The following DCLK2 variants were observed in gnomAD, a reference collection of about 807,000 sequenced individuals.
DCLK2 encodes the protein doublecortin like kinase 2, also known as serine/threonine-protein kinase DCLK2.
In DCLK2, 31 loss-of-function variants were observed where a neutral mutation model predicts 78.4. The ratio of observed to expected loss-of-function variants is 0.40; its 90% CI spans 0.30 to 0.53. DCLK2 has a LOEUF of 0.53. DCLK2 is among the 20% of genes least tolerant of loss of function. DCLK2 has a pLI of 0.61. For synonymous variants in DCLK2, 407 were observed against 374.9 expected (o/e 1.09, Z -0.99); for missense variants, 872 against 973.7 (o/e 0.90, Z 1.39).
At chr4:150,117,678 G>GCCACTGCTTCTCATATATTCC (rs1732202236) in intron 2 of DCLK2, among the ~76,000 whole-genome samples, 2 of 152,118 alleles carry the variant, frequency 1.3e-5, no homozygotes, top group Non-Finnish European at 2.9e-5. Flanking sequence ...CCGTCCTGAT[G>GCCACTGCTTCTCATATATTCC]CCACTGCTTC....
At chr4:150,186,984 AAAG>A (rs1315353124) in intron 2 of DCLK2, among the ~76,000 whole-genome samples, 1 of 152,104 alleles carries the variant, frequency 6.6e-6, no homozygotes, top group African/African-American at 2.4e-5. Flanking sequence ...GCATTAGACT[AAAG>A]AGGTCTATTG....
At chr4:150,109,801 C>A (rs548850116) in intron 2 of DCLK2, among the ~76,000 whole-genome samples, 1 of 152,166 alleles carries the variant, frequency 6.6e-6, no homozygotes, top group African/African-American at 2.4e-5. Context: ...TATTTCTGTT[C>A]AGCAGGAAAT....
chr4:150,155,124 C>CAGG (rs1735176626), intron 2 of DCLK2, among the ~76,000 whole-genome samples: 1 of 152,160 alleles, frequency 6.6e-6, no homozygotes, highest in Non-Finnish European at 1.5e-5. Flanking sequence ...CCCAGCTACT[C>CAGG]AGGAGGCTGA....
rs181775357 is a variant in DCLK2, at chr4:150,218,333, A to G, written c.1057-2370A>G. On this transcript the variant is annotated intron_variant, in intron 5 of 15. Transcript: ENST00000296550. ...TCAAATAAACATTGGGAAAATTACA[A>G]TGGTTCACAGGAGCTCAACTGATAA... 1.7e-3 allele frequency among the ~76,000 whole-genome samples: 256 copies of G among 152,256 alleles called. 1 individual carries two copies. The highest frequency in any genetic ancestry group is 5.9e-3 in the African/African-American group (246 of 41,546).
chr4:150,175,110 A>G, intron 2 of DCLK2, among the ~76,000 whole-genome samples: 1 of 81,552 alleles, frequency 1.2e-5, no homozygotes, highest in African/African-American at 6.4e-5. Flanking sequence ...ATATTTATAT[A>G]TTTATATTTT....
chr4:150,256,408 G>C lies in DCLK2; in HGVS notation c.*161G>C. ...CTGGGAACCGGAGCCTGGCGTGCCG[G>C]AGCCTGGCCTGGTGCTCTGGGCTCT... On this transcript the variant is annotated 3_prime_UTR_variant, in exon 16 of 16. Transcript: ENST00000296550. 2 of 981,932 alleles carry C rather than the reference G, an allele frequency of 2.0e-6. No individual in the cohort carries two copies. Among genetic ancestry groups the C allele is most frequent in the Non-Finnish European group, 1.4e-6 (1 of 693,146 alleles). 60.8% of individuals were successfully genotyped at this position (981,932 alleles called of 1,614,324 possible).
At chr4:150,172,495 T>C (rs1736608552) in intron 2 of DCLK2, among the ~76,000 whole-genome samples, 1 of 149,960 alleles carries the variant, frequency 6.7e-6, no homozygotes, top group Non-Finnish European at 1.5e-5. Flanking sequence ...TAGTCTTAGC[T>C]ACTCAGGAGG....
At position 150,102,820 on chromosome 4, in the gene DCLK2, G is replaced by A. The variant is rs377632376; in HGVS notation, c.756+8G>A. On this transcript the variant is annotated splice_region_variant and intron_variant, in intron 2 of 15. Transcript: ENST00000296550. ...ACCCTGGATGGAAAGCAGGTAAGATGCTTCTAGCTCCCAGCTCTCCATCTG... is the reference window on the plus strand; with the variant it reads ...ACCCTGGATGGAAAGCAGGTAAGATACTTCTAGCTCCCAGCTCTCCATCTG... The A allele has an allele frequency of 1.1e-4, 168 of 1,591,404 alleles. No individual in the cohort carries two copies. Among genetic ancestry groups the A allele is most frequent in the Admixed American group, 1.0e-4 (6 of 57,226 alleles).
At chr4:150,153,229 A>G (rs923969596) in intron 2 of DCLK2, among the ~76,000 whole-genome samples, 2 of 152,176 alleles carry the variant, frequency 1.3e-5, no homozygotes, top group Non-Finnish European at 2.9e-5. Context: ...GGAATTGGTG[A>G]CAGGATGAAT....
intron 4 of DCLK2, among the ~76,000 whole-genome samples, chr4:150,198,784 A>G (rs1739244358): frequency 6.6e-6 from 1 of 152,152 alleles, no homozygotes; most frequent in South Asian, 2.1e-4. Flanking sequence ...GTGAAAAACC[A>G]TGATTTTACA....
At chr4:150,186,894 ATGTGTGTGTGTGTGTG>A (rs10683241) in intron 2 of DCLK2, among the ~76,000 whole-genome samples, 1 of 147,498 alleles carries the variant, frequency 6.8e-6, no homozygotes, top group Non-Finnish European at 1.5e-5. Flanking sequence ...CTATCTCAAA[ATGTGTGTGTGTGTGTG>A]TGTGTGTGTG....
In DCLK2 at chr4:150,247,584, T is replaced by G; in HGVS notation, c.1779-19T>G. The stretch of plus-strand genomic sequence containing the variant: ...ACGGTGACTTTGACTTTTCTTCCAT[T>G]TCTTTGTCACTGGCTTAGTGAGAAC... On this transcript the variant is annotated intron_variant, in intron 12 of 15. Transcript: ENST00000296550. 6.2e-7 allele frequency: 1 copy of G among 1,608,834 alleles called. No homozygotes were observed. The highest frequency in any genetic ancestry group is 8.5e-7 in the Non-Finnish European group (1 of 1,176,330).
At chr4:150,242,270 C>G (rs1246780759) in intron 12 of DCLK2, among the ~76,000 whole-genome samples, 1 of 152,120 alleles carries the variant, frequency 6.6e-6, no homozygotes, top group Non-Finnish European at 1.5e-5. Flanking sequence ...TAGTTCAGGG[C>G]TGGAAATCAC....
intron 5 of DCLK2, among the ~76,000 whole-genome samples, chr4:150,212,915 T>C (rs1740419672): frequency 6.6e-6 from 1 of 152,226 alleles, no homozygotes; most frequent in Non-Finnish European, 1.5e-5. Context: ...AGATTGTCAT[T>C]GTGGCTGCTT....
chr4:150,251,821 T>C (rs1744178200), intron 15 of DCLK2, among the ~76,000 whole-genome samples: 1 of 149,256 alleles, frequency 6.7e-6, no homozygotes, highest in Non-Finnish European at 1.5e-5. Context: ...TCCACCAGGT[T>C]CTCAGCACCC....
chr4:150,163,290 T>TG (rs1253590016), intron 2 of DCLK2, among the ~76,000 whole-genome samples: 1 of 152,030 alleles, frequency 6.6e-6, no homozygotes, highest in Non-Finnish European at 1.5e-5. Context: ...TCCAGCCACT[T>TG]GGGGGGCTAA....
Position 150,221,725 on chromosome 4 carries a change from A to G in DCLK2, c.1181A>G (p.Tyr394Cys). The G allele has an allele frequency of 6.2e-7, 1 of 1,608,018 alleles. No homozygotes were observed. The highest frequency in any genetic ancestry group is 8.5e-7 in the Non-Finnish European group (1 of 1,177,888). ...CSESSTLLEK[Y>C]KIGKVIGDGN... ...GAATCATCAACTCTTCTTGAGAAAT[A>G]CAAAATTGGAAAGGTCATTGGTGAT... Residue 394 changes from tyrosine (Y) to cysteine (C), a missense_variant, in exon 7 of 16, where the codon TAC becomes TGC. Tyr to Cys is a radical substitution (Grantham distance 194). Around this residue, in one of 3 missense-constraint regions of DCLK2, gnomAD observed 567 missense variants for 593.4 expected, o/e 0.96. Coordinates refer to ENST00000296550, the MANE Select transcript of DCLK2 (RefSeq NM_001040260.4).
intron 2 of DCLK2, among the ~76,000 whole-genome samples, chr4:150,156,039 T>G (rs1045226424): frequency 5.9e-5 from 9 of 151,708 alleles, no homozygotes. Flanking sequence ...AAAAGAGTCT[T>G]TTAGGAAGGA....
chr4:150,254,015 T>C (rs1353609292), intron 15 of DCLK2: 1 of 637,426 alleles, frequency 1.6e-6, no homozygotes, highest in Non-Finnish European at 2.0e-6. Flanking sequence ...AGGGCTGAGG[T>C]GTGGGATTAC....
Sources: allele counts gnomAD v4.1 joint callset (sites outside exome capture counted in the v4.1 genomes callset), GRCh38; gene constraint gnomAD v4.1.1; regional missense constraint gnomAD v4.1.1; transcripts MANE v1.5; gene names NCBI Gene and HGNC (gene_info 2026-07-23, HGNC 2026-07-21).